CPSF2: variants seen among roughly 807,000 people sequenced by gnomAD.
CPSF2 encodes the protein cleavage and polyadenylation specificity factor subunit 2.
Under a neutral mutation model 84.2 loss-of-function variants are expected in CPSF2, and 51 were observed. The observed-to-expected ratio is 0.61, with a 90% CI of 0.48 to 0.77. The LOEUF is 0.77. Among genes scored for constraint, CPSF2 ranks in the 30% least tolerant of loss-of-function variants. The probability of loss-of-function intolerance (pLI) is 0.00; values close to 1 mark genes in which losing one functional copy is unlikely to be tolerated. For synonymous variants in CPSF2, 286 were observed against 311.9 expected, an observed-to-expected ratio of 0.92 and a Z score of 0.87; for missense variants, 641 against 929.4, an observed-to-expected ratio of 0.69 and a Z score of 4.03.
In CPSF2 at chr14:92,171,190, G is replaced by GCAGCT. The variant is rs2069512824; in HGVS notation, c.*9446_*9447insCAGCT. 6.6e-6 allele frequency: 1 copy of GCAGCT among 152,110 alleles called. No individual in the cohort carries two copies. Among genetic ancestry groups the GCAGCT allele is most frequent in the South Asian group, 2.1e-4 (1 of 4,828 alleles). The allele number at this position is 152,110 out of a possible 1,614,324, so 9.4% of individuals were successfully genotyped here. ...TGCCCAGGCTACAGTGCAGTGATGA[G>GCAGCT]ATCATAGCCCACTGCAGCCTCAAAC... On this transcript the variant is annotated 3_prime_UTR_variant, in exon 16 of 16. Coordinates refer to ENST00000298875, the MANE Select transcript of CPSF2 (RefSeq NM_017437.3).
intron 1 of CPSF2, among the ~76,000 whole-genome samples, chr14:92,125,523 A>G (rs2068834798): frequency 6.6e-6 from 1 of 152,086 alleles, no homozygotes; most frequent in Non-Finnish European, 1.5e-5. Flanking sequence ...CATACACACC[A>G]GCTAATATCC....
intron 14 of CPSF2, among the ~76,000 whole-genome samples, chr14:92,159,920 AG>A (rs1479622562): frequency 1.3e-5 from 2 of 151,478 alleles, no homozygotes; most frequent in Non-Finnish European, 2.9e-5. Context: ...GCTTCCAGTC[AG>A]GAGATTTATA....
rs1009296570 is a variant in CPSF2, at chr14:92,162,234, C to T, written c.*490C>T. On this transcript the variant is annotated 3_prime_UTR_variant, in exon 16 of 16. Transcript: ENST00000298875. Reference sequence around the variant, plus strand: ...TTAAAAGCATACGTGCTATGACTCTCTCCAGTTTGAATATGCAATTGTTTT... The same window carrying T: ...TTAAAAGCATACGTGCTATGACTCTTTCCAGTTTGAATATGCAATTGTTTT... 2.6e-5 allele frequency: 4 copies of T among 152,544 alleles called. No individual in the cohort carries two copies. Among genetic ancestry groups the T allele is most frequent in the Non-Finnish European group, 5.9e-5 (4 of 68,092 alleles). 9.4% of individuals were successfully genotyped at this position (152,544 alleles called of 1,614,324 possible). A position where few individuals can be genotyped will look rare whatever the true frequency, so the allele number is the denominator to read the frequency against.
At chr14:92,154,515 C>A in intron 10 of CPSF2, 57 bp downstream of exon 10, 2 of 1,184,606 alleles carry the variant, frequency 1.7e-6, no homozygotes, top group South Asian at 1.5e-5. Flanking sequence ...AAGAATGTGT[C>A]CTTGACTTAA....
Position 92,157,578 on chromosome 14 carries a change from T to C in CPSF2, c.1596-81T>C, listed in dbSNP as rs1333691603. ...ATGTGTATTTCTCAAATCCTAGTGTTATATATTGTATACATGATAAAAGCC... is the reference window on the plus strand; with the variant it reads ...ATGTGTATTTCTCAAATCCTAGTGTCATATATTGTATACATGATAAAAGCC... On this transcript the variant is annotated intron_variant, in intron 12 of 15. Coordinates refer to ENST00000298875, the MANE Select transcript of CPSF2 (RefSeq NM_017437.3). The surrounding 1 kb of genome is among the most constrained non-coding windows in gnomAD (Gnocchi z 4.0). 1.2e-6 allele frequency: 1 copy of C among 803,106 alleles called. No individual in the cohort carries two copies. 49.7% of individuals were successfully genotyped at this position (803,106 alleles called of 1,614,324 possible).
chr14:92,160,787 A>G (rs1204905467), intron 14 of CPSF2, among the ~76,000 whole-genome samples: 1 of 152,210 alleles, frequency 6.6e-6, no homozygotes, highest in East Asian at 1.9e-4. Flanking sequence ...AGTCCTGCCC[A>G]TGGCACGCTA....
Position 92,169,104 on chromosome 14 carries a change from A to G in CPSF2, c.*7360A>G, listed in dbSNP as rs1005085626. 6.6e-6 allele frequency: 1 copy of G among 152,198 alleles called. No individual in the cohort carries two copies. Among genetic ancestry groups the G allele is most frequent in the Non-Finnish European group, 1.5e-5 (1 of 68,038 alleles). 9.4% of individuals were successfully genotyped at this position (152,198 alleles called of 1,614,324 possible). On this transcript the variant is annotated 3_prime_UTR_variant, in exon 16 of 16. Coordinates refer to ENST00000298875, the MANE Select transcript of CPSF2 (RefSeq NM_017437.3). Reference sequence around the variant, plus strand: ...AATTGTTATGTTAAAAACAAAAAGAAGCACATACTGTACAGTCAAAACTAT... The same window carrying G: ...AATTGTTATGTTAAAAACAAAAAGAGGCACATACTGTACAGTCAAAACTAT...
In CPSF2 at chr14:92,167,797, G is replaced by C. The variant is rs141763741; in HGVS notation, c.*6053G>C. 426 of 151,636 alleles carry C rather than the reference G, an allele frequency of 2.8e-3. 3 individuals are homozygous for C. The highest frequency in any genetic ancestry group is 9.9e-3 in the African/African-American group (411 of 41,324). The allele number at this position is 151,636 out of a possible 1,614,324, so 9.4% of individuals were successfully genotyped here. ...AATGTAAGAGTCTAGAGTTTTATCA[G>C]AAGATTATTGTCCTTTAAAATATTG... On this transcript the variant is annotated 3_prime_UTR_variant, in exon 16 of 16. Transcript: ENST00000298875.
At chr14:92,123,555 G>C (rs1169258481) in intron 1 of CPSF2, among the ~76,000 whole-genome samples, 3 of 152,154 alleles carry the variant, frequency 2.0e-5, no homozygotes, top group Middle Eastern at 6.8e-3. Context: ...CAGCCACCGC[G>C]CCCGGCTACT....
chr14:92,154,747 A>G lies in CPSF2; in HGVS notation c.1241+289A>G, dbSNP rs189448436. ...AAAAGTGTCGTTAGGGGATTTAGTC[A>G]TTGTGCAAACATTAGGATATATGTT... is the stretch of plus-strand genomic sequence containing the variant. On this transcript the variant is annotated intron_variant, in intron 10 of 15. Transcript: ENST00000298875. Among the ~76,000 whole-genome samples, 1,205 of 152,326 alleles carry G rather than the reference A, an allele frequency of 7.9e-3. 10 individuals are homozygous for G. The highest frequency in any genetic ancestry group is 0.01 in the Non-Finnish European group (684 of 68,020).
chr14:92,122,017 G>C lies in CPSF2; in HGVS notation c.-205G>C, dbSNP rs1018672987. On this transcript the variant is annotated 5_prime_UTR_variant, in exon 1 of 16. Coordinates refer to ENST00000298875, the MANE Select transcript of CPSF2 (RefSeq NM_017437.3). ...CGGCTGCCACTGTGGGGCTTCTGCC[G>C]GCCGGTAGTCCCTGGCGCTGCTGAC... 4.9e-6 allele frequency: 3 copies of C among 617,776 alleles called. No homozygotes were observed. The highest frequency in any genetic ancestry group is 3.7e-5 in the African/African-American group (2 of 54,108). 38.3% of individuals were successfully genotyped at this position (617,776 alleles called of 1,614,324 possible). A position where few individuals can be genotyped will look rare whatever the true frequency, so the allele number is the denominator to read the frequency against.
chr14:92,145,616 T>C (rs1425492725), intron 9 of CPSF2, among the ~76,000 whole-genome samples: 1 of 152,170 alleles, frequency 6.6e-6, no homozygotes, highest in Non-Finnish European at 1.5e-5. Context: ...AGCTCAGAAA[T>C]ACAAGGTTAA....
intron 7 of CPSF2, among the ~76,000 whole-genome samples, chr14:92,141,288 A>G (rs2069075224): frequency 6.6e-6 from 1 of 152,208 alleles, no homozygotes; most frequent in South Asian, 2.1e-4. Flanking sequence ...TAAGCAATCT[A>G]GAGATGATTT....
chr14:92,146,957 C>G lies in CPSF2; in HGVS notation c.1140+3663C>G, dbSNP rs140476161. Reference sequence around the variant, plus strand: ...GTCATTCAGGCCTCAGGTTTAACCCCCTCAGGTAGGCCTTTGACTACAGAT... The same window carrying G: ...GTCATTCAGGCCTCAGGTTTAACCCGCTCAGGTAGGCCTTTGACTACAGAT... On this transcript the variant is annotated intron_variant, in intron 9 of 15. Transcript: ENST00000298875. 3.0e-4 allele frequency among the ~76,000 whole-genome samples: 45 copies of G among 152,296 alleles called. No individual in the cohort carries two copies. The East Asian group carries it at 8.1e-3, about 27-fold the overall frequency.
intron 3 of CPSF2, 28 bp from the exon 4 acceptor site, chr14:92,133,983 A>C: frequency 6.2e-7 from 1 of 1,610,956 alleles, no homozygotes; most frequent in South Asian, 1.1e-5. Context: ...AGATTCAAGA[A>C]GTAGTCCTTT....
chr14:92,153,471 T>C (rs2069247193), intron 9 of CPSF2, among the ~76,000 whole-genome samples: 1 of 152,214 alleles, frequency 6.6e-6, no homozygotes, highest in African/African-American at 2.4e-5. Context: ...TTATTCATGT[T>C]GCTGTATTTA....
At position 92,171,690 on chromosome 14, in the gene CPSF2, A is replaced by G. The variant is rs1253084894; in HGVS notation, c.*9946A>G. ...GCCACTGTGCGTTCTCCCAGTGGAC[A>G]AATTTGGAAATATATGCGTCTATGC... On this transcript the variant is annotated 3_prime_UTR_variant, in exon 16 of 16. Coordinates refer to ENST00000298875, the MANE Select transcript of CPSF2 (RefSeq NM_017437.3). 6.6e-6 allele frequency: 1 copy of G among 152,174 alleles called. No individual in the cohort carries two copies. Among genetic ancestry groups the G allele is most frequent in the Non-Finnish European group, 1.5e-5 (1 of 68,046 alleles). 9.4% of individuals were successfully genotyped at this position (152,174 alleles called of 1,614,324 possible).
chr14:92,122,050 C>A lies in CPSF2; in HGVS notation c.-172C>A. 1.8e-6 allele frequency: 1 copy of A among 562,960 alleles called. No individual in the cohort carries two copies. The highest frequency in any genetic ancestry group is 2.0e-5 in the South Asian group (1 of 49,908). The allele number at this position is 562,960 out of a possible 1,614,324, so 34.9% of individuals were successfully genotyped here. On this transcript the variant is annotated 5_prime_UTR_variant, in exon 1 of 16. Transcript: ENST00000298875. ...GTCCCTGGCGCTGCTGACCCAGCAT[C>A]GGCTTTTCTACGTCTTGAACCTGGA... is the stretch of plus-strand genomic sequence containing the variant.
At chr14:92,139,277 C>T (rs539157511) in intron 7 of CPSF2, among the ~76,000 whole-genome samples, 49 of 151,792 alleles carry the variant, frequency 3.2e-4, no homozygotes, top group Non-Finnish European at 5.4e-4. Context: ...ATTAGCCGGG[C>T]GTGGTGGCGG....
Sources: allele counts gnomAD v4.1 joint callset (sites outside exome capture counted in the v4.1 genomes callset), GRCh38; gene constraint gnomAD v4.1.1; non-coding constraint Gnocchi (gnomAD v3.1); transcripts MANE v1.5; gene names NCBI Gene and HGNC (gene_info 2026-07-23, HGNC 2026-07-21).